The following CRYBB2 variants were observed in gnomAD, a reference collection of about 807,000 sequenced individuals.
The protein encoded by CRYBB2 is crystallin beta B2.
CRYBB2 carries 12 observed loss-of-function variants against 24.3 expected under a neutral mutation model. That is an observed-to-expected ratio of 0.49 (90% CI 0.32 to 0.80). CRYBB2 has a LOEUF of 0.80. Among genes scored for constraint, CRYBB2 ranks in the 30% least tolerant of loss-of-function variants. The pLI, the probability that CRYBB2 is intolerant of heterozygous loss-of-function variation, is 0.04. For missense variants in CRYBB2, 198 were observed against 268.5 expected (o/e 0.74, Z 1.83); for synonymous variants, 98 against 101.6 (o/e 0.96, Z 0.21).
upstream of CRYBB2, among the ~76,000 whole-genome samples, chr22:25,218,814 G>GAAAGAAAGAAAGA (rs1569016402): frequency 5.5e-4 from 69 of 126,402 alleles, 4 homozygotes; most frequent in African/African-American, 2.1e-3. Context: ...AAGAAAGAAA[G>GAAAGAAAGAAAGA]AAAGAAAGAA....
At chr22:25,215,863 A>G (rs950771612), upstream of CRYBB2, among the ~76,000 whole-genome samples, 1 of 152,192 alleles carries the variant, frequency 6.6e-6, no homozygotes, top group Non-Finnish European at 1.5e-5. Context: ...AGTTGTGAGG[A>G]TTGAATTAAT....
At chr22:25,218,770 AGAGAGAG>A (rs1935246577), upstream of CRYBB2, among the ~76,000 whole-genome samples, 1 of 25,732 alleles carries the variant, frequency 3.9e-5, no homozygotes, top group African/African-American at 2.0e-4. Context: ...AGAGAGAGAG[AGAGAGAG>A]AGAAGAAAGA....
At chr22:25,225,483 C>T (rs1935395905) in intron 3 of CRYBB2, among the ~76,000 whole-genome samples, 1 of 152,114 alleles carries the variant, frequency 6.6e-6, no homozygotes, top group Admixed American at 6.5e-5. Flanking sequence ...GCATCCACTC[C>T]TCCCTTCCCG....
intron 5 of CRYBB2, among the ~76,000 whole-genome samples, chr22:25,230,461 C>T (rs777678367): frequency 6.6e-5 from 10 of 151,968 alleles, no homozygotes; most frequent in South Asian, 2.1e-4. Flanking sequence ...TGGCCTGGAA[C>T]GGACTCTTAA....
At chr22:25,214,884 G>C (rs984474968), upstream of CRYBB2, among the ~76,000 whole-genome samples, 2 of 152,198 alleles carry the variant, frequency 1.3e-5, no homozygotes, top group African/African-American at 4.8e-5. Context: ...TCTCCTCTCT[G>C]AGCCTCACTT....
chr22:25,219,327 C>T (rs1935280914), upstream of CRYBB2, among the ~76,000 whole-genome samples: 1 of 152,220 alleles, frequency 6.6e-6, no homozygotes, highest in African/African-American at 2.4e-5. Context: ...CCTCTGTCTG[C>T]CATGCCTCAC....
chr22:25,231,638 C>T lies in CRYBB2; in HGVS notation c.484C>T (p.Leu162=), dbSNP rs1441244605. 1 of 1,614,070 alleles carries T rather than the reference C, an allele frequency of 6.2e-7. No homozygotes were observed. The highest frequency in any genetic ancestry group is 1.7e-5 in the Admixed American group (1 of 60,012). ...VGYQYPGYRG[L]QYLLEKGDYK... The stretch of plus-strand genomic sequence containing the variant: ...CTACCAGTACCCCGGCTACCGTGGG[C>T]TGCAGTACCTGCTGGAGAAGGGAGA... The change falls in exon 6 of 6, where the codon CTG becomes TTG. Residue 162 remains leucine (L), a synonymous_variant. Transcript: ENST00000398215.
intron 5 of CRYBB2, among the ~76,000 whole-genome samples, chr22:25,230,324 T>C (rs1200896071): frequency 6.7e-6 from 1 of 150,356 alleles, no homozygotes; most frequent in East Asian, 2.0e-4. Context: ...GCTCAGCTGA[T>C]TTTTTGCATT....
At chr22:25,222,146 C>A (rs1235495052) in intron 2 of CRYBB2, among the ~76,000 whole-genome samples, 1 of 152,220 alleles carries the variant, frequency 6.6e-6, no homozygotes, top group Non-Finnish European at 1.5e-5. Context: ...TCCTGTGCCT[C>A]CCTGCTTTGG....
upstream of CRYBB2, among the ~76,000 whole-genome samples, chr22:25,218,823 AAAG>A (rs1935267121): frequency 1.7e-5 from 2 of 120,410 alleles, no homozygotes; most frequent in African/African-American, 7.4e-5. Flanking sequence ...AGAAAGAAAG[AAAG>A]AAAGAAAGAA....
At chr22:25,226,173 TG>T (rs1935411040) in intron 3 of CRYBB2, among the ~76,000 whole-genome samples, 4 of 20,118 alleles carry the variant, frequency 2.0e-4, no homozygotes, top group Non-Finnish European at 5.1e-4. Flanking sequence ...TTTCTCTGTG[TG>T]TGTGTGTGTG....
At chr22:25,217,138 A>G (rs2146082335), upstream of CRYBB2, among the ~76,000 whole-genome samples, 1 of 151,332 alleles carries the variant, frequency 6.6e-6, no homozygotes, top group Non-Finnish European at 1.5e-5. Context: ...GCACGTGCAC[A>G]GAAGTGGAAT....
rs1360759722 is a variant in CRYBB2 at position 25,229,415 on chromosome 22, C to T, written c.307-21C>T. 12 of 1,592,890 alleles carry T rather than the reference C, an allele frequency of 7.5e-6. No homozygotes were observed. In the South Asian group the frequency reaches 9.1e-5, roughly 12 times the overall value. ...TGGGCCCCCTCACCCATACTCACTT[C>T]CCCCCATCCTCTGCCAATAGGACAG... On this transcript the variant is annotated intron_variant, in intron 4 of 5. Coordinates refer to ENST00000398215, the MANE Select transcript of CRYBB2 (RefSeq NM_000496.3).
chr22:25,225,568 G>A (rs997171387), intron 3 of CRYBB2, among the ~76,000 whole-genome samples: 2 of 152,130 alleles, frequency 1.3e-5, no homozygotes, highest in Non-Finnish European at 2.9e-5. Context: ...GAGAGAAGGG[G>A]AGCTGAATGG....
chr22:25,225,409 G>GC (rs1935394609), intron 3 of CRYBB2, among the ~76,000 whole-genome samples: 1 of 152,136 alleles, frequency 6.6e-6, no homozygotes, highest in Admixed American at 6.6e-5. Flanking sequence ...TTTTAGAACT[G>GC]CCAATCTCTG....
chr22:25,222,581 A>T (rs1601419098), intron 2 of CRYBB2, among the ~76,000 whole-genome samples: 1 of 152,258 alleles, frequency 6.6e-6, no homozygotes, highest in South Asian at 2.1e-4. Context: ...TCCACAGAAA[A>T]ATGAAAAATG....
At chr22:25,214,846 C>G (rs994522979), upstream of CRYBB2, among the ~76,000 whole-genome samples, 2 of 152,202 alleles carry the variant, frequency 1.3e-5, no homozygotes, top group Admixed American at 1.3e-4. Flanking sequence ...TCTACCACTT[C>G]GTGGCTGTGA....
chr22:25,222,085 A>T (rs1935331314), intron 2 of CRYBB2, among the ~76,000 whole-genome samples: 1 of 152,126 alleles, frequency 6.6e-6, no homozygotes, highest in East Asian at 1.9e-4. Flanking sequence ...GAGGCTTGTC[A>T]CACCCAGTCT....
At chr22:25,218,824 A>AAGAAAGAAAG (rs1569016476), upstream of CRYBB2, among the ~76,000 whole-genome samples, 3 of 118,308 alleles carry the variant, frequency 2.5e-5, no homozygotes, top group African/African-American at 1.1e-4. Context: ...GAAAGAAAGA[A>AAGAAAGAAAG]AGAAAGAAAG....
Sources: allele counts gnomAD v4.1 joint callset (sites outside exome capture counted in the v4.1 genomes callset), GRCh38; gene constraint gnomAD v4.1.1; transcripts MANE v1.5; gene names NCBI Gene and HGNC (gene_info 2026-07-23, HGNC 2026-07-21).